Variants in DPP10 observed in about 807,000 individuals in gnomAD.
DPP10 encodes dipeptidyl peptidase like 10, also known as inactive dipeptidyl peptidase 10.
In DPP10, 33 loss-of-function variants were observed where a neutral mutation model predicts 120.9. The observed-to-expected ratio is 0.27, with a 90% CI of 0.21 to 0.37. The LOEUF (loss-of-function observed/expected upper bound fraction) is 0.37. Ranked by LOEUF, DPP10 falls within the 10% of genes least tolerant of loss-of-function variation. The probability of loss-of-function intolerance (pLI) is 1.00; values close to 1 mark genes in which losing one functional copy is unlikely to be tolerated. For missense variants in DPP10, 816 were observed against 942.8 expected (o/e 0.87, Z 1.76); for synonymous variants, 337 against 326.1 (o/e 1.03, Z -0.36).
Position 115,465,980 on chromosome 2 carries a change from C to A in DPP10, c.272-33530C>A, listed in dbSNP as rs1051049451. Among the ~76,000 whole-genome samples, 6 of 152,174 alleles carry A rather than the reference C, an allele frequency of 3.9e-5. No individual in the cohort carries two copies. In the Middle Eastern group the frequency reaches 0.014, roughly 345 times the overall value. Reference sequence around the variant, plus strand: ...TTTGCCTTTTTAAAAATGATAATTACCCATTCCATAATGGGTAATTACAGG... The same window carrying A: ...TTTGCCTTTTTAAAAATGATAATTAACCATTCCATAATGGGTAATTACAGG... On this transcript the variant is annotated intron_variant, in intron 3 of 25. Transcript: ENST00000410059.
intron 5 of DPP10, among the ~76,000 whole-genome samples, chr2:115,636,194 G>A (rs952681919): frequency 4.6e-5 from 7 of 150,822 alleles, no homozygotes; most frequent in Admixed American, 2.0e-4. Context: ...TATGCTTTGC[G>A]AGACAGCTAC....
At chr2:115,164,047 T>C (rs1272345652) in intron 1 of DPP10, among the ~76,000 whole-genome samples, 1 of 152,216 alleles carries the variant, frequency 6.6e-6, no homozygotes, top group African/African-American at 2.4e-5. Context: ...TGCAGAACTC[T>C]TGTTTTAATA....
intron 1 of DPP10, among the ~76,000 whole-genome samples, chr2:114,890,819 C>T (rs1558849177): frequency 6.6e-6 from 1 of 152,128 alleles, no homozygotes; most frequent in Non-Finnish European, 1.5e-5. Flanking sequence ...TACAATATAG[C>T]CAAATGCTGT....
At chr2:114,925,016 C>A (rs1245106249) in intron 1 of DPP10, among the ~76,000 whole-genome samples, 3 of 152,032 alleles carry the variant, frequency 2.0e-5, no homozygotes. Context: ...TTGAGACCAG[C>A]CTGGCTAACA....
chr2:115,068,247 A>G (rs1217573353), intron 1 of DPP10, among the ~76,000 whole-genome samples: 2 of 151,346 alleles, frequency 1.3e-5, no homozygotes, highest in South Asian at 2.1e-4. Flanking sequence ...TGTCTTTTTG[A>G]TAATAGCCAT....
chr2:115,306,380 C>A (rs114290701), intron 1 of DPP10, among the ~76,000 whole-genome samples: 299 of 152,082 alleles, frequency 2.0e-3, no homozygotes, highest in African/African-American at 7.0e-3. Context: ...GCATCTGAGG[C>A]AAACGTAAGG....
At chr2:114,522,280 G>A (rs578128875) in intron 1 of DPP10, among the ~76,000 whole-genome samples, 7 of 152,140 alleles carry the variant, frequency 4.6e-5, no homozygotes, top group African/African-American at 9.6e-5. Context: ...CACCGCGCCC[G>A]GCCTATCCAA....
chr2:115,560,674 G>A (rs917251481), intron 5 of DPP10, among the ~76,000 whole-genome samples: 1 of 151,192 alleles, frequency 6.6e-6, no homozygotes, highest in Non-Finnish European at 1.5e-5. Context: ...GAGTGCAGTG[G>A]CACTATCATG....
At chr2:115,136,922 T>C (rs189028848) in intron 1 of DPP10, among the ~76,000 whole-genome samples, 5 of 152,318 alleles carry the variant, frequency 3.3e-5, no homozygotes, top group South Asian at 2.1e-4. Flanking sequence ...TTACCAATGA[T>C]GTAGACTACA....
intron 1 of DPP10, among the ~76,000 whole-genome samples, chr2:114,632,601 G>T (rs947134990): frequency 7.1e-6 from 1 of 141,564 alleles, no homozygotes; most frequent in Admixed American, 7.6e-5. Context: ...CAAGCTCTGC[G>T]TCCTGGGTTC....
At chr2:115,136,174 A>C (rs571647248) in intron 1 of DPP10, among the ~76,000 whole-genome samples, 11 of 148,362 alleles carry the variant, frequency 7.4e-5, no homozygotes, top group Middle Eastern at 3.5e-3. Flanking sequence ...GAAAAAAAAA[A>C]CAAACATGTA....
intron 1 of DPP10, among the ~76,000 whole-genome samples, chr2:114,501,968 A>G (rs1448481320): frequency 4.3e-5 from 6 of 139,582 alleles, no homozygotes; most frequent in African/African-American, 1.4e-4. Flanking sequence ...CAGAGTCTCA[A>G]TCCATCCCCT....
chr2:115,407,151 C>T (rs755780059), intron 3 of DPP10, among the ~76,000 whole-genome samples: 1 of 152,190 alleles, frequency 6.6e-6, no homozygotes, highest in African/African-American at 2.4e-5. Flanking sequence ...GGGCGAACTT[C>T]CTGAGCCTCT....
chr2:115,146,822 T>C lies in DPP10; in HGVS notation c.61-162417T>C, dbSNP rs114110531. Among the ~76,000 whole-genome samples the C allele has an allele frequency of 2.6e-3, 403 of 152,246 alleles. 1 individual carries two copies. Among genetic ancestry groups the C allele is most frequent in the Non-Finnish European group, 3.6e-3 (242 of 67,994 alleles). The stretch of plus-strand genomic sequence containing the variant: ...CACTTTAGACAGGTAGCTTGCTCCT[T>C]CCCACATATGAGGACACAGCAGGTG... On this transcript the variant is annotated intron_variant, in intron 1 of 25. Transcript: ENST00000410059.
chr2:114,775,416 G>A (rs1231244962), intron 1 of DPP10, among the ~76,000 whole-genome samples: 1 of 152,102 alleles, frequency 6.6e-6, no homozygotes, highest in Non-Finnish European at 1.5e-5. Context: ...TAGCTGGTGG[G>A]GGTAGACTTA....
chr2:115,379,573 G>A (rs2066124470), intron 3 of DPP10, among the ~76,000 whole-genome samples: 2 of 151,944 alleles, frequency 1.3e-5, no homozygotes, highest in Admixed American at 1.3e-4. Context: ...TCTGATTTTA[G>A]TTATTTCTTG....
intron 1 of DPP10, among the ~76,000 whole-genome samples, chr2:115,219,103 A>ATTC (rs1260373940): frequency 6.6e-6 from 1 of 152,158 alleles, no homozygotes; most frequent in African/African-American, 2.4e-5. Context: ...ACAGAGGCAC[A>ATTC]GAAAGTTCAG....
chr2:115,289,263 A>G (rs1352489032), intron 1 of DPP10, among the ~76,000 whole-genome samples: 1 of 152,080 alleles, frequency 6.6e-6, no homozygotes, highest in Non-Finnish European at 1.5e-5. Flanking sequence ...AAGGAAAACT[A>G]CAAAACGCTG....
At chr2:115,377,411 C>T (rs1045175817) in intron 3 of DPP10, among the ~76,000 whole-genome samples, 6 of 151,990 alleles carry the variant, frequency 3.9e-5, no homozygotes, top group African/African-American at 1.4e-4. Context: ...TTGTTTTTTT[C>T]TTGTAAATTT....
Sources: gnomAD v4.1 joint callset for allele counts (sites outside exome capture counted in the v4.1 genomes callset) on GRCh38, gnomAD v4.1.1 for gene constraint, MANE v1.5 for transcripts, NCBI Gene and HGNC (gene_info 2026-07-23, HGNC 2026-07-21) for gene names.